The following SMPX variants were observed in gnomAD, a reference collection of about 807,000 sequenced individuals.
The protein encoded by SMPX is small muscular protein.
Under a neutral mutation model 6.3 loss-of-function variants are expected in SMPX, and 2 were observed. The ratio of observed to expected loss-of-function variants is 0.32; its 90% CI spans 0.13 to 0.99. The LOEUF is 0.99. Among genes scored for constraint, SMPX ranks in the 50% least tolerant of loss-of-function variants. SMPX has a pLI of 0.49. For missense variants in SMPX, 60 were observed against 66.8 expected (o/e 0.90, Z 0.36); for synonymous variants, 32 against 24.7 (o/e 1.30, Z -0.88).
intron 2 of SMPX, among the ~76,000 whole-genome samples, chrX:21,753,814 C>G (rs937070779): frequency 9.0e-6 from 1 of 111,658 alleles, no homozygotes; most frequent in African/African-American, 3.3e-5. Flanking sequence ...AATACCCAAG[C>G]CCTGGGAAGA....
intron 4 of SMPX, among the ~76,000 whole-genome samples, chrX:21,727,902 C>T (rs926727581): frequency 8.9e-6 from 1 of 112,463 alleles, no homozygotes; most frequent in East Asian, 2.8e-4. Context: ...AGCATTGTCA[C>T]GATGCAGCCA....
chrX:21,722,223 C>T (rs2092792469), intron 4 of SMPX, among the ~76,000 whole-genome samples: 1 of 111,868 alleles, frequency 8.9e-6, no homozygotes, highest in Admixed American at 9.5e-5. Context: ...TTGGTCCTGT[C>T]GTTTCTTGGA....
intron 4 of SMPX, among the ~76,000 whole-genome samples, chrX:21,715,260 CTCTGTGTG>C (rs1426585550): frequency 3.1e-4 from 24 of 77,545 alleles, no homozygotes; most frequent in African/African-American, 1.2e-3. Flanking sequence ...ACTCACTCTG[CTCTGTGTG>C]TGTGTGTGTG....
chrX:21,739,534 G>T (rs1198794560), intron 3 of SMPX, among the ~76,000 whole-genome samples: 1 of 112,095 alleles, frequency 8.9e-6, no homozygotes, highest in Admixed American at 9.4e-5. Context: ...GCTGTTTTTT[G>T]TCATGCACAC....
chrX:21,757,831 C>A, intron 1 of SMPX, 111 bp downstream of exon 1: 2 of 281,704 alleles, frequency 7.1e-6, no homozygotes, highest in South Asian at 6.6e-5. Flanking sequence ...TACAAGGAAG[C>A]TACACCCACT....
chrX:21,753,716 G>A (rs946892064), intron 2 of SMPX, among the ~76,000 whole-genome samples: 5 of 111,880 alleles, frequency 4.5e-5, no homozygotes, highest in African/African-American at 1.6e-4. Context: ...CTTTTTGTGG[G>A]TGACACTTAA....
At chrX:21,720,516 T>C (rs2092790584) in intron 4 of SMPX, among the ~76,000 whole-genome samples, 1 of 112,955 alleles carries the variant, frequency 8.9e-6, no homozygotes, top group Non-Finnish European at 1.9e-5. Flanking sequence ...AAATTTTGAA[T>C]AATTTGTTAC....
chrX:21,723,559 T>G (rs1002786778), intron 4 of SMPX, among the ~76,000 whole-genome samples: 1 of 112,129 alleles, frequency 8.9e-6, no homozygotes, highest in African/African-American at 3.2e-5. Flanking sequence ...TTAATAGAGA[T>G]AGCTTTATTT....
At chrX:21,753,505 A>C (rs1160490555) in intron 2 of SMPX, among the ~76,000 whole-genome samples, 2 of 111,918 alleles carry the variant, frequency 1.8e-5, no homozygotes, top group East Asian at 5.6e-4. Context: ...CCTTTGGAGA[A>C]AGCACAGACA....
At chrX:21,749,500 C>T (rs563905810) in intron 2 of SMPX, among the ~76,000 whole-genome samples, 3 of 111,896 alleles carry the variant, frequency 2.7e-5, no homozygotes, top group African/African-American at 9.7e-5. Flanking sequence ...AGATGGTCCA[C>T]ACCCACTCCT....
intron 4 of SMPX, among the ~76,000 whole-genome samples, chrX:21,707,396 C>A (rs2092774171): frequency 8.9e-6 from 1 of 111,996 alleles, no homozygotes; most frequent in Non-Finnish European, 1.9e-5. Flanking sequence ...CTGTGGCCAT[C>A]AACTTTGGCT....
At chrX:21,730,546 T>C (rs977405445) in intron 4 of SMPX, among the ~76,000 whole-genome samples, 1 of 111,990 alleles carries the variant, frequency 8.9e-6, no homozygotes, top group African/African-American at 3.2e-5. Context: ...CAACTACTGA[T>C]TGAGAGAGGT....
intron 4 of SMPX, among the ~76,000 whole-genome samples, chrX:21,720,477 A>G (rs2097354770): frequency 8.9e-6 from 1 of 112,900 alleles, no homozygotes; most frequent in African/African-American, 3.2e-5. Flanking sequence ...GATCCACGGA[A>G]ACTGTGAGAC....
At chrX:21,728,338 T>G (rs2092799746) in intron 4 of SMPX, among the ~76,000 whole-genome samples, 1 of 107,682 alleles carries the variant, frequency 9.3e-6, no homozygotes, top group Non-Finnish European at 1.9e-5. Context: ...AAAGAGCAAA[T>G]TATTTGTGCT....
rs1472216438 is a variant in SMPX at position 21,754,314 on chromosome X, AG to A, written c.-12-13del. 2 of 1,171,304 alleles carry A rather than the reference AG, an allele frequency of 1.7e-6. No individual in the cohort carries two copies. The highest frequency in any genetic ancestry group is 3.5e-5 in the African/African-American group (2 of 56,576). On this transcript the variant is annotated splice_polypyrimidine_tract_variant and intron_variant, in intron 1 of 4. Transcript: ENST00000379494. ...ATGCAGTCTTATCCCTAAAAAAACA[AG>A]TAAGAAACTGTTAGAGGTGGCAGCA...
At chrX:21,747,036 T>C (rs2092822207) in intron 2 of SMPX, among the ~76,000 whole-genome samples, 1 of 111,907 alleles carries the variant, frequency 8.9e-6, no homozygotes, top group Admixed American at 9.5e-5. Flanking sequence ...CTAATTTTTC[T>C]ACCTACAAAT....
At chrX:21,729,953 A>G (rs985732152) in intron 4 of SMPX, among the ~76,000 whole-genome samples, 1 of 112,363 alleles carries the variant, frequency 8.9e-6, no homozygotes, top group African/African-American at 3.2e-5. Flanking sequence ...TTTGCCAGCC[A>G]GGAAAACAAA....
intron 4 of SMPX, among the ~76,000 whole-genome samples, chrX:21,735,220 A>C (rs1462997819): frequency 8.9e-6 from 1 of 112,271 alleles, no homozygotes. Context: ...TGACTACTGA[A>C]GTCTCGAAAT....
chrX:21,731,393 C>T, intron 4 of SMPX, among the ~76,000 whole-genome samples: 1 of 98,994 alleles, frequency 1.0e-5, no homozygotes, highest in East Asian at 3.4e-4. Context: ...ATATACATAT[C>T]CACACACTAT....
Sources: allele counts gnomAD v4.1 joint callset (sites outside exome capture counted in the v4.1 genomes callset), GRCh38; gene constraint gnomAD v4.1.1; transcripts MANE v1.5; gene names NCBI Gene and HGNC (gene_info 2026-07-23, HGNC 2026-07-21).